Variants in IMMP2L observed in about 807,000 individuals in gnomAD.
IMMP2L encodes the protein inner mitochondrial membrane peptidase subunit 2.
IMMP2L carries 18 observed loss-of-function variants against 19.3 expected under a neutral mutation model. The ratio of observed to expected loss-of-function variants is 0.93; its 90% CI spans 0.64 to 1.38. IMMP2L has a LOEUF of 1.38. IMMP2L is among the 40% of genes most tolerant of loss of function. The pLI, the probability that IMMP2L is intolerant of heterozygous loss-of-function variation, is 0.00. For synonymous variants in IMMP2L, 76 were observed against 73.0 expected, an observed-to-expected ratio of 1.04 and a Z score of -0.21; for missense variants, 233 against 218.2, an observed-to-expected ratio of 1.07 and a Z score of -0.43.
intron 4 of IMMP2L, among the ~76,000 whole-genome samples, chr7:110,904,425 T>G (rs547798260): frequency 6.6e-6 from 1 of 152,364 alleles, no homozygotes; most frequent in South Asian, 2.1e-4. Context: ...AGTTGACTTT[T>G]GTGTATGGTA....
intron 3 of IMMP2L, among the ~76,000 whole-genome samples, chr7:111,205,220 A>G (rs1042499490): frequency 2.0e-5 from 3 of 152,188 alleles, no homozygotes; most frequent in Non-Finnish European, 4.4e-5. Context: ...CACTAATCCC[A>G]TTCATGAGAG....
At chr7:111,497,346 T>C (rs1843688307) in intron 2 of IMMP2L, among the ~76,000 whole-genome samples, 1 of 152,164 alleles carries the variant, frequency 6.6e-6, no homozygotes, top group African/African-American at 2.4e-5. Flanking sequence ...TCATAATACA[T>C]TATTTACAAT....
At chr7:111,327,244 A>T (rs909920664) in intron 3 of IMMP2L, among the ~76,000 whole-genome samples, 7 of 151,826 alleles carry the variant, frequency 4.6e-5, no homozygotes, top group Non-Finnish European at 8.8e-5. Flanking sequence ...AGAGGGAAAA[A>T]TGAGAAGTTG....
chr7:111,028,785 G>C (rs1032557567), intron 3 of IMMP2L, among the ~76,000 whole-genome samples: 1 of 151,972 alleles, frequency 6.6e-6, no homozygotes, highest in Non-Finnish European at 1.5e-5. Context: ...TAAAGAAAAG[G>C]TTATGTATTT....
At chr7:111,291,978 A>G (rs1821157821) in intron 3 of IMMP2L, among the ~76,000 whole-genome samples, 1 of 152,172 alleles carries the variant, frequency 6.6e-6, no homozygotes. Flanking sequence ...CTAAATCACT[A>G]CTGTGGTGAT....
chr7:110,962,714 T>G, intron 4 of IMMP2L: 1 of 1,011,524 alleles, frequency 9.9e-7, no homozygotes, highest in Non-Finnish European at 1.2e-6. Context: ...GCTCTAAAAC[T>G]GACTGAGGTT....
rs1030254279 is a variant in IMMP2L, at chr7:110,728,477, C to A, written c.409-64756G>T. Among the ~76,000 whole-genome samples the A allele has an allele frequency of 9.2e-5, 14 of 151,972 alleles. No individual in the cohort carries two copies. Among genetic ancestry groups the A allele is most frequent in the African/African-American group, 3.1e-4 (13 of 41,384 alleles). On this transcript the variant is annotated intron_variant, in intron 5 of 5. Transcript: ENST00000405709. The surrounding 1 kb of genome is among the most constrained non-coding windows in gnomAD (Gnocchi z 4.6). ...TCACATCACTGTACTCCAGCCTGGG[C>A]AACAGAGTGAGACTCCGTCTCAAAA...
intron 4 of IMMP2L, among the ~76,000 whole-genome samples, chr7:110,931,907 T>C (rs1359513512): frequency 1.3e-5 from 2 of 152,144 alleles, no homozygotes; most frequent in Non-Finnish European, 2.9e-5. Context: ...AAGGTCCTGC[T>C]TTTCTCGCTA....
At chr7:110,936,246 A>T (rs1404466243) in intron 4 of IMMP2L, among the ~76,000 whole-genome samples, 1 of 152,162 alleles carries the variant, frequency 6.6e-6, no homozygotes, top group African/African-American at 2.4e-5. Flanking sequence ...AGAAACTATC[A>T]TCAGAGTGAA....
At chr7:111,428,328 C>G (rs1025017320) in intron 3 of IMMP2L, among the ~76,000 whole-genome samples, 27 of 151,180 alleles carry the variant, frequency 1.8e-4, no homozygotes, top group African/African-American at 6.6e-4. Context: ...CCAAAAATGT[C>G]AAGAGAAATA....
chr7:111,178,268 A>G (rs540023408), intron 3 of IMMP2L, among the ~76,000 whole-genome samples: 2 of 152,206 alleles, frequency 1.3e-5, no homozygotes, highest in Non-Finnish European at 2.9e-5. Context: ...CATTATGTCT[A>G]ACAAAGTATA....
Position 111,062,550 on chromosome 7 carries a change from G to A in IMMP2L, c.240-98985C>T, listed in dbSNP as rs568524877. Among the ~76,000 whole-genome samples, 59 of 152,202 alleles carry A rather than the reference G, an allele frequency of 3.9e-4. 2 individuals are homozygous for A. The South Asian group carries it at 1.0e-2, about 26-fold the overall frequency. On this transcript the variant is annotated intron_variant, in intron 3 of 5. Transcript: ENST00000405709. ...TCCCCTAAAGTCTTAACTCATTTCA[G>A]CACTAACTTAAAAGTCCACAGTCTA...
At chr7:111,208,411 C>A (rs1047486315) in intron 3 of IMMP2L, among the ~76,000 whole-genome samples, 1 of 152,084 alleles carries the variant, frequency 6.6e-6, no homozygotes, top group African/African-American at 2.4e-5. Flanking sequence ...AATTAATAGA[C>A]CCTTTAAATT....
chr7:111,104,440 GT>G (rs1016209019), intron 3 of IMMP2L, among the ~76,000 whole-genome samples: 39 of 151,718 alleles, frequency 2.6e-4, no homozygotes, highest in Non-Finnish European at 4.1e-4. Flanking sequence ...AATGCTCCAT[GT>G]TTATATATTT....
At chr7:111,540,622 A>T (rs1219169951) in intron 1 of IMMP2L, among the ~76,000 whole-genome samples, 1 of 152,128 alleles carries the variant, frequency 6.6e-6, no homozygotes, top group Non-Finnish European at 1.5e-5. Flanking sequence ...TTTGGCACCC[A>T]AGAGTGTTAG....
chr7:111,540,909 T>C (rs1848456068), intron 1 of IMMP2L, among the ~76,000 whole-genome samples: 1 of 152,124 alleles, frequency 6.6e-6, no homozygotes, highest in Admixed American at 6.6e-5. Context: ...AGCGGCCAGA[T>C]CAGGCTGTAT....
At chr7:110,801,777 C>G (rs1801260997) in intron 5 of IMMP2L, among the ~76,000 whole-genome samples, 1 of 152,078 alleles carries the variant, frequency 6.6e-6, no homozygotes, top group African/African-American at 2.4e-5. Flanking sequence ...TGAATTCCCA[C>G]TGCTGGCACA....
chr7:111,285,649 C>T (rs1480608360), intron 3 of IMMP2L, among the ~76,000 whole-genome samples: 1 of 152,106 alleles, frequency 6.6e-6, no homozygotes, highest in African/African-American at 2.4e-5. Context: ...ATCCTCTAGA[C>T]CCTCACCAAT....
intron 3 of IMMP2L, among the ~76,000 whole-genome samples, chr7:111,270,502 T>C (rs1457117724): frequency 6.6e-6 from 1 of 152,116 alleles, no homozygotes; most frequent in Non-Finnish European, 1.5e-5. Flanking sequence ...TCAGTTATCT[T>C]ATATATTTAT....
Sources: allele counts gnomAD v4.1 joint callset (sites outside exome capture counted in the v4.1 genomes callset), GRCh38; gene constraint gnomAD v4.1.1; non-coding constraint Gnocchi (gnomAD v3.1); transcripts MANE v1.5; gene names NCBI Gene and HGNC (gene_info 2026-07-23, HGNC 2026-07-21).